HELZ: variants seen among roughly 807,000 people sequenced by gnomAD.
The protein encoded by HELZ is helicase with zinc finger, also known as ATP-dependent RNA helicase with zinc finger domain.
Under a neutral mutation model 218.2 loss-of-function variants are expected in HELZ, and 23 were observed. That is an observed-to-expected ratio of 0.11 (90% CI 0.08 to 0.15). The LOEUF (loss-of-function observed/expected upper bound fraction) is 0.15, where lower values mean the gene tolerates loss of function less well. HELZ is among the 10% of genes least tolerant of loss of function. HELZ has a pLI of 1.00. For synonymous variants in HELZ, 814 were observed against 829.4 expected, an observed-to-expected ratio of 0.98 and a Z score of 0.32; for missense variants, 1,813 against 2,353.7, an observed-to-expected ratio of 0.77 and a Z score of 4.75.
chr17:67,188,705 G>A lies in HELZ; in HGVS notation c.865-89C>T. The A allele has an allele frequency of 9.5e-7, 1 of 1,048,150 alleles. No individual in the cohort carries two copies. The highest frequency in any genetic ancestry group is 1.4e-6 in the Non-Finnish European group (1 of 721,792). 64.9% of individuals were successfully genotyped at this position (1,048,150 alleles called of 1,614,324 possible). A position where few individuals can be genotyped will look rare whatever the true frequency, so the allele number is the denominator to read the frequency against. ...TCTTCAATGAAAATATTTCCATAAG[G>A]GACTTTTACTTCCCCAAGCTTCTAA... On this transcript the variant is annotated intron_variant, in intron 11 of 32. Coordinates refer to ENST00000358691, the MANE Select transcript of HELZ (RefSeq NM_014877.4). This position sits in a 1 kb window ranked among gnomAD's most constrained non-coding sequence, Gnocchi z 4.1.
chr17:67,099,910 G>C (rs2036871026), intron 31 of HELZ, among the ~76,000 whole-genome samples: 2 of 152,122 alleles, frequency 1.3e-5, no homozygotes, highest in Admixed American at 6.5e-5. Context: ...GATTAGCTTT[G>C]ATAATTTAAG....
chr17:67,160,188 A>C (rs1598344119), intron 17 of HELZ, 73 bp downstream of exon 17: 2 of 908,564 alleles, frequency 2.2e-6, no homozygotes. Context: ...AAGTTACTAA[A>C]ATCTTTACAG....
intron 27 of HELZ, among the ~76,000 whole-genome samples, chr17:67,117,412 TGA>T (rs1309532509): frequency 1.2e-4 from 19 of 152,160 alleles, no homozygotes; most frequent in Non-Finnish European, 2.6e-4. Flanking sequence ...GGAAGCATAC[TGA>T]ACTAAATGAA....
chr17:67,138,031 A>C lies in HELZ; in HGVS notation c.2853T>G (p.Gly951=). Residue 951 remains glycine, a synonymous_variant, in exon 22 of 33, where the codon GGT becomes GGG. Transcript: ENST00000358691. ...AWGKLDDGSI[G]VVTPYADQVF... is the part of the protein sequence containing the mutation. ...CTTGATCAGCATATGGAGTCACCAC[A>C]CCAATACTGCCATCATCTAACTTCC... 1 of 1,613,862 alleles carries C rather than the reference A, an allele frequency of 6.2e-7. No individual in the cohort carries two copies. Among genetic ancestry groups the C allele is most frequent in the Non-Finnish European group, 8.5e-7 (1 of 1,179,844 alleles).
At chr17:67,079,028 A>G (rs1489465541) in intron 32 of HELZ, among the ~76,000 whole-genome samples, 1 of 152,222 alleles carries the variant, frequency 6.6e-6, no homozygotes, top group African/African-American at 2.4e-5. Flanking sequence ...CCATTTGTTT[A>G]CAATGCTACC....
At position 67,165,744 on chromosome 17, in the gene HELZ, T is replaced by C. The variant is rs138017436; in HGVS notation, c.1895+734A>G. ...CCAAAAAAATTTAAGCAGAACAATA[T>C]TTATACGACCATTAACTGGAGAGCA... On this transcript the variant is annotated intron_variant, in intron 15 of 32. Coordinates refer to ENST00000358691, the MANE Select transcript of HELZ (RefSeq NM_014877.4). Among the ~76,000 whole-genome samples, 8 of 152,310 alleles carry C rather than the reference T, an allele frequency of 5.3e-5. No homozygotes were observed. The East Asian group carries it at 1.5e-3, about 29-fold the overall frequency.
chr17:67,193,609 A>C (rs924729576), intron 9 of HELZ, among the ~76,000 whole-genome samples: 1 of 151,844 alleles, frequency 6.6e-6, no homozygotes, highest in East Asian at 1.9e-4. Flanking sequence ...CCAGATACTC[A>C]GGAGGCTGAG....
At chr17:67,179,264 T>C (rs2144228332) in intron 12 of HELZ, among the ~76,000 whole-genome samples, 1 of 152,290 alleles carries the variant, frequency 6.6e-6, no homozygotes, top group East Asian at 1.9e-4. Flanking sequence ...AAAGATATGA[T>C]AAATTCTTCA....
upstream of HELZ, chr17:67,245,316 G>A (rs1441305986): frequency 5.0e-6 from 4 of 804,132 alleles, no homozygotes; most frequent in East Asian, 1.3e-4. Context: ...TGCCCCGGGT[G>A]GACTGCCGAC....
At chr17:67,081,905 G>A (rs2036204528) in intron 32 of HELZ, among the ~76,000 whole-genome samples, 1 of 29,576 alleles carries the variant, frequency 3.4e-5, no homozygotes, top group South Asian at 3.7e-3. Context: ...GAAGAGCAGA[G>A]TGATCAGAAG....
At chr17:67,245,561 G>C (rs1181019152), upstream of HELZ, 2 of 977,610 alleles carry the variant, frequency 2.0e-6, no homozygotes, top group East Asian at 1.1e-4. Flanking sequence ...GCTGCTCGCG[G>C]ATTTATTTGT....
intron 32 of HELZ, among the ~76,000 whole-genome samples, chr17:67,084,366 T>C (rs1354444344): frequency 6.6e-6 from 1 of 151,794 alleles, no homozygotes; most frequent in Non-Finnish European, 1.5e-5. Context: ...AAACTTAGGT[T>C]AAAAAAAAGA....
intron 21 of HELZ, among the ~76,000 whole-genome samples, chr17:67,143,280 G>A (rs1239848744): frequency 6.6e-6 from 1 of 151,920 alleles, no homozygotes; most frequent in Non-Finnish European, 1.5e-5. Flanking sequence ...ATTATCCATA[G>A]CTCCTCCCTT....
intron 4 of HELZ, among the ~76,000 whole-genome samples, chr17:67,216,609 GATGT>G (rs2040607966): frequency 6.6e-6 from 1 of 151,042 alleles, no homozygotes; most frequent in Non-Finnish European, 1.5e-5. Context: ...TGTCTATGTT[GATGT>G]ATTTCAATTC....
chr17:67,194,287 G>C (rs2039970272), intron 8 of HELZ, among the ~76,000 whole-genome samples: 1 of 152,198 alleles, frequency 6.6e-6, no homozygotes, highest in African/African-American at 2.4e-5. Context: ...CTCTGTCCTA[G>C]CAACTGGTGG....
At chr17:67,233,116 G>T (rs912551291) in intron 3 of HELZ, among the ~76,000 whole-genome samples, 1 of 152,190 alleles carries the variant, frequency 6.6e-6, no homozygotes, top group Non-Finnish European at 1.5e-5. Context: ...CTTAGGCGAA[G>T]AAGCGAGACT....
chr17:67,079,583 C>T lies in HELZ; in HGVS notation c.5495-997G>A, dbSNP rs773498359. On this transcript the variant is annotated intron_variant, in intron 32 of 32. Coordinates refer to ENST00000358691, the MANE Select transcript of HELZ (RefSeq NM_014877.4). ...AATTCATGTATTTCACAGCTATTTC[C>T]TCAGGATAAATCCCTAGGTGTACAA... Among the ~76,000 whole-genome samples, 48 of 152,186 alleles carry T rather than the reference C, an allele frequency of 3.2e-4. 1 individual carries two copies. The highest frequency in any genetic ancestry group is 6.3e-4 in the Non-Finnish European group (43 of 68,036).
At chr17:67,223,019 G>A (rs2040790634) in intron 3 of HELZ, among the ~76,000 whole-genome samples, 2 of 150,624 alleles carry the variant, frequency 1.3e-5, no homozygotes, top group African/African-American at 4.9e-5. Flanking sequence ...AGGCCGAGGC[G>A]AGTGGATCAT....
intron 31 of HELZ, among the ~76,000 whole-genome samples, chr17:67,097,493 T>C (rs1454191769): frequency 1.3e-5 from 2 of 152,212 alleles, no homozygotes; most frequent in Non-Finnish European, 2.9e-5. Flanking sequence ...AAAATGCCAT[T>C]TGAAGCATCT....
Sources: gnomAD v4.1 joint callset for allele counts (sites outside exome capture counted in the v4.1 genomes callset) on GRCh38, gnomAD v4.1.1 for gene constraint, Gnocchi (gnomAD v3.1) non-coding constraint, MANE v1.5 for transcripts, NCBI Gene and HGNC (gene_info 2026-07-23, HGNC 2026-07-21) for gene names.